PKD1: variants seen among roughly 807,000 people sequenced by gnomAD.
The protein encoded by PKD1 is polycystin 1, transient receptor potential channel interacting.
PKD1 carries 81 observed loss-of-function variants against 361.7 expected under a neutral mutation model. The observed-to-expected ratio is 0.22, with a 90% confidence interval of 0.19 to 0.27. The LOEUF (loss-of-function observed/expected upper bound fraction) is 0.27. PKD1 is among the 10% of genes least tolerant of loss of function. The pLI is 1.00. For synonymous variants in PKD1, 3,615 were observed against 2,818.3 expected (o/e 1.28, Z -8.95); for missense variants, 6,399 against 6,118.3 (o/e 1.05, Z -1.53).
Position 2,108,353 on chromosome 16 carries a change from G to C in PKD1, c.6814C>G (p.Arg2272Gly). The change falls in exon 15 of 46, where the codon CGG becomes GGG. Residue 2272 changes from arginine (R) to glycine (G), a missense_variant. Transcript: ENST00000262304. Reference sequence around the variant, plus strand: ...TCGCTCCCATCCAGCACCAGGTCCCGTGTGTCTGACCACACGCGGTATGAG... The same window carrying C: ...TCGCTCCCATCCAGCACCAGGTCCCCTGTGTCTGACCACACGCGGTATGAG... Reference protein sequence around the residue: ...GGSYRVWSDTRDLVLDGSESY... With the variant: ...GGSYRVWSDTGDLVLDGSESY... The C allele has an allele frequency of 6.2e-7, 1 of 1,609,488 alleles. No individual in the cohort carries two copies. The highest frequency in any genetic ancestry group is 8.5e-7 in the Non-Finnish European group (1 of 1,178,872).
At chr16:2,098,331 C>A in intron 30 of PKD1, 1 of 381,264 alleles carries the variant, frequency 2.6e-6, no homozygotes, top group South Asian at 2.4e-5. Flanking sequence ...GGCTCAGCCT[C>A]CTGAGTAGCT....
intron 3 of PKD1, 77 bp downstream of exon 3, chr16:2,119,037 G>A (rs2092682421): frequency 6.3e-6 from 6 of 949,742 alleles, no homozygotes; most frequent in Admixed American, 2.0e-5. Flanking sequence ...AAGGGGACAC[G>A]GACCAACTGG....
intron 16 of PKD1, 72 bp from the exon 17 acceptor site, chr16:2,107,020 G>A (rs2092362421): frequency 1.4e-6 from 2 of 1,447,762 alleles, no homozygotes; most frequent in Non-Finnish European, 1.9e-6. Flanking sequence ...GACCCATGGA[G>A]GATGCTGCTC....
chr16:2,124,839 C>T (rs527241553), intron 1 of PKD1, among the ~76,000 whole-genome samples: 13 of 152,312 alleles, frequency 8.5e-5, no homozygotes, highest in Non-Finnish European at 1.3e-4. Flanking sequence ...CTTATGTAAC[C>T]GCTCCTCCCT....
chr16:2,130,417 G>A (rs1473021417), intron 1 of PKD1, among the ~76,000 whole-genome samples: 3 of 152,274 alleles, frequency 2.0e-5, no homozygotes, highest in African/African-American at 4.8e-5. Context: ...ACCTGCACTG[G>A]GGGTCCTTCC....
intron 1 of PKD1, among the ~76,000 whole-genome samples, chr16:2,128,998 G>A (rs1188044238): frequency 6.6e-6 from 1 of 151,884 alleles, no homozygotes; most frequent in Non-Finnish European, 1.5e-5. Context: ...TAATTAGCTG[G>A]GATTACAGGC....
At position 2,104,600 on chromosome 16, in the gene PKD1, T is replaced by A. The variant is rs1430861150; in HGVS notation, c.8059A>T (p.Thr2687Ser). The A allele has an allele frequency of 6.3e-7, 1 of 1,595,116 alleles. No individual in the cohort carries two copies. The highest frequency in any genetic ancestry group is 1.4e-5 in the African/African-American group (1 of 73,120). The change falls in exon 22 of 46, where the codon ACG becomes TCG. Residue 2687 changes from threonine to serine, a missense_variant. Thr to Ser is a moderately conservative substitution (Grantham distance 58). Transcript: ENST00000262304. The stretch of plus-strand genomic sequence containing the variant: ...ATCATGGCCTCCAGCTTGTGCAGCG[T>A]CTGCTTCAGGCACGAGCGGCATACG... ...ELVCRSCLKQTLHKLEAMMLI... is the reference protein window; with the variant it reads ...ELVCRSCLKQSLHKLEAMMLI...
chr16:2,111,525 T>G lies in PKD1; in HGVS notation c.3642A>C (p.Gly1214=), dbSNP rs767721989. 1 of 1,606,398 alleles carries G rather than the reference T, an allele frequency of 6.2e-7. No individual in the cohort carries two copies. The highest frequency in any genetic ancestry group is 8.5e-7 in the Non-Finnish European group (1 of 1,177,360). Residue 1214 remains glycine (G), a synonymous_variant, in exon 15 of 46, where the codon GGA becomes GGC. Transcript: ENST00000262304. The part of the protein sequence containing the change: ...ADVRVFEELR[G]LSVDMSLAVE... ...CGGCCAGGCTCATGTCCACGCTGAGTCCGCGGAGCTCCTCAAAGACGCGCA... is the reference window on the plus strand; with the variant it reads ...CGGCCAGGCTCATGTCCACGCTGAGGCCGCGGAGCTCCTCAAAGACGCGCA...
chr16:2,092,903 A>G, intron 38 of PKD1, 51 bp downstream of exon 38: 2 of 1,609,354 alleles, frequency 1.2e-6, no homozygotes, highest in Non-Finnish European at 1.7e-6. Context: ...TGGCTGGACT[A>G]AAGGCAAAAC....
chr16:2,100,099 G>A lies in PKD1; in HGVS notation c.9713-28C>T, dbSNP rs1264578060. The A allele has an allele frequency of 6.2e-7, 1 of 1,603,866 alleles. No individual in the cohort carries two copies. Among genetic ancestry groups the A allele is most frequent in the Non-Finnish European group, 8.5e-7 (1 of 1,175,592 alleles). ...AGAAGGCAGGGAGGGCCGCACTGCA[G>A]GAGGCCACGGGGCAGGACCACCCTG... On this transcript the variant is annotated intron_variant, in intron 28 of 45. Transcript: ENST00000262304. The surrounding 1 kb of genome is among the most constrained non-coding windows in gnomAD (Gnocchi z 4.4).
intron 30 of PKD1, chr16:2,098,284 C>T (rs1276362230): frequency 6.4e-6 from 3 of 466,828 alleles, no homozygotes; most frequent in Middle Eastern, 6.0e-4. Flanking sequence ...TCTCAGCTCA[C>T]TGCAACCTCC....
intron 34 of PKD1, among the ~76,000 whole-genome samples, chr16:2,095,636 G>A (rs1179222038): frequency 3.3e-5 from 5 of 152,206 alleles, no homozygotes; most frequent in East Asian, 1.9e-4. Context: ...AAGGAGCCAC[G>A]GGACGCGCTG....
chr16:2,097,382 G>A lies in PKD1; in HGVS notation c.10342C>T (p.Pro3448Ser), dbSNP rs377535829. 19 of 1,611,460 alleles carry A rather than the reference G, an allele frequency of 1.2e-5. No homozygotes were observed. Among genetic ancestry groups the A allele is most frequent in the Non-Finnish European group, 1.5e-5 (18 of 1,179,934 alleles). Residue 3448 changes from proline (P) to serine (S), a missense_variant, in exon 33 of 46, where the codon CCA (proline) becomes TCA (serine). By Grantham distance (74) the Pro-to-Ser change is moderately conservative. Transcript: ENST00000262304. ...GCCAGGGAGAAGCCGTCCTCCTCTG[G>A]GCCCAGCCCATGGCCCGCCTGGCCC... ...ARGQAGHGLG[P>S]EEDGFSLASP...
rs1045305442 is a variant in PKD1, at chr16:2,092,872, G to A, written c.11156+82C>T. 15 of 1,519,660 alleles carry A rather than the reference G, an allele frequency of 9.9e-6. No individual in the cohort carries two copies. The African/African-American group carries it at 1.1e-4, about 11-fold the overall frequency. 94.1% of individuals were successfully genotyped at this position (1,519,660 alleles called of 1,614,324 possible). ...AGCAGCCACAAAGGTATCTACACAT[G>A]TCCACATGTCCCCTAGGGTCTGGCT... On this transcript the variant is annotated intron_variant, in intron 38 of 45. Coordinates refer to ENST00000262304, the MANE Select transcript of PKD1 (RefSeq NM_001009944.3).
At chr16:2,101,323 G>C (rs903114434) in intron 26 of PKD1, among the ~76,000 whole-genome samples, 2 of 151,118 alleles carry the variant, frequency 1.3e-5, no homozygotes, top group African/African-American at 4.9e-5. Context: ...AAAGAACTGG[G>C]CAATGAAGAG....
At chr16:2,093,382 G>A (rs1231640399) in intron 37 of PKD1, 162 bp downstream of exon 37, 5 of 748,300 alleles carry the variant, frequency 6.7e-6, no homozygotes, top group Non-Finnish European at 1.1e-5. Flanking sequence ...AGCAAGTGGG[G>A]GGCGTGGGGT....
At position 2,091,275 on chromosome 16, in the gene PKD1, A is replaced by C. The variant is rs867195060; in HGVS notation, c.11713-101T>G. 1.3e-5 allele frequency: 5 copies of C among 385,316 alleles called. No individual in the cohort carries two copies. In the African/African-American group the frequency reaches 1.7e-4, roughly 13 times the overall value. The allele number at this position is 385,316 out of a possible 1,614,324, so 23.9% of individuals were successfully genotyped here. ...GGGCGGGGCCCTACGAGGGGGCGGG[A>C]CGCTGCCGGGGCGGGGCCCTGCGAG... is the stretch of plus-strand genomic sequence containing the variant. On this transcript the variant is annotated intron_variant, in intron 42 of 45. Coordinates refer to ENST00000262304, the MANE Select transcript of PKD1 (RefSeq NM_001009944.3).
At position 2,091,115 on chromosome 16, in the gene PKD1, C is replaced by T. The variant is rs1230215472; in HGVS notation, c.11772G>A (p.Arg3924=). 2.2e-5 allele frequency: 33 copies of T among 1,493,022 alleles called. No homozygotes were observed. The East Asian group carries it at 3.0e-4, about 14-fold the overall frequency. The allele number at this position is 1,493,022 out of a possible 1,614,324, so 92.5% of individuals were successfully genotyped here. The change falls in exon 43 of 46, where the codon AGG becomes AGA. Residue 3924 remains arginine (R), a synonymous_variant. Transcript: ENST00000262304. ...FAVAEARTWH[R]EGRWRVLRLG... is the part of the protein sequence containing the mutation. Reference sequence around the variant, plus strand: ...GCCGCAGCACGCGCCAGCGCCCTTCCCTGTGCCAAGTACGGGCCTCGGCCA... The same window carrying T: ...GCCGCAGCACGCGCCAGCGCCCTTCTCTGTGCCAAGTACGGGCCTCGGCCA...
chr16:2,128,356 C>T (rs1400108316), intron 1 of PKD1, among the ~76,000 whole-genome samples: 2 of 147,574 alleles, frequency 1.4e-5, no homozygotes, highest in African/African-American at 2.6e-5. Flanking sequence ...GTGGGAGGGG[C>T]TGGCAGCACC....
Sources: allele counts gnomAD v4.1 joint callset (sites outside exome capture counted in the v4.1 genomes callset), GRCh38; gene constraint gnomAD v4.1.1; non-coding constraint Gnocchi (gnomAD v3.1); transcripts MANE v1.5; gene names NCBI Gene and HGNC (gene_info 2026-07-23, HGNC 2026-07-21).